The following DLGAP2 variants were observed in gnomAD, a reference collection of about 807,000 sequenced individuals.
DLGAP2 encodes disks large-associated protein 2.
A neutral mutation model predicts 100.3 loss-of-function variants in DLGAP2; 26 were observed. That is an observed-to-expected ratio of 0.26 (90% CI 0.19 to 0.36). The LOEUF (loss-of-function observed/expected upper bound fraction) is 0.36, where lower values mean the gene tolerates loss of function less well. Ranked by LOEUF, DLGAP2 falls within the 10% of genes least tolerant of loss-of-function variation. The pLI is 1.00. For missense variants in DLGAP2, 1,858 were observed against 1,453.2 expected (o/e 1.28, Z -4.53); for synonymous variants, 886 against 630.1 (o/e 1.41, Z -6.08).
intron 4 of DLGAP2, among the ~76,000 whole-genome samples, chr8:1,517,006 G>A (rs1225496547): frequency 6.6e-6 from 1 of 152,092 alleles, no homozygotes; most frequent in African/African-American, 2.4e-5. Flanking sequence ...CAGCCCCAGG[G>A]TGCAGAGGTG....
chr8:1,672,576 G>A (rs972245573), intron 10 of DLGAP2, among the ~76,000 whole-genome samples: 1 of 152,222 alleles, frequency 6.6e-6, no homozygotes, highest in African/African-American at 2.4e-5. Context: ...TGAGAAGGCA[G>A]GGGCAGCCTG....
At chr8:1,370,580 G>T (rs886765890) in intron 3 of DLGAP2, among the ~76,000 whole-genome samples, 4 of 152,168 alleles carry the variant, frequency 2.6e-5, no homozygotes, top group Admixed American at 6.5e-5. Flanking sequence ...TTTTACAAAA[G>T]AAGAAAAGCT....
chr8:1,416,558 C>T (rs565942443), intron 3 of DLGAP2, among the ~76,000 whole-genome samples: 6 of 152,288 alleles, frequency 3.9e-5, no homozygotes, highest in African/African-American at 1.4e-4. Context: ...AACCAGAACC[C>T]CTCTGCCTCC....
chr8:1,692,498 C>T (rs544884655), intron 13 of DLGAP2, among the ~76,000 whole-genome samples: 2 of 152,142 alleles, frequency 1.3e-5, no homozygotes, highest in African/African-American at 2.4e-5. Context: ...GGCAGGGAGG[C>T]TGCAAGGGGG....
At chr8:1,128,551 G>A (rs1027010364) in intron 2 of DLGAP2, among the ~76,000 whole-genome samples, 16 of 152,204 alleles carry the variant, frequency 1.1e-4, no homozygotes, top group Admixed American at 3.9e-4. Context: ...GCAACAAGCT[G>A]CACCACACAG....
intron 3 of DLGAP2, among the ~76,000 whole-genome samples, chr8:1,286,871 G>A (rs554059684): frequency 6.6e-6 from 1 of 152,356 alleles, no homozygotes; most frequent in Admixed American, 6.5e-5. Context: ...AAGTGCATTC[G>A]AGGAGAAAAC....
intron 3 of DLGAP2, among the ~76,000 whole-genome samples, chr8:1,433,736 GGCT>G (rs1483052789): frequency 8.3e-5 from 7 of 84,062 alleles, no homozygotes; most frequent in African/African-American, 1.1e-4. Context: ...AGGCAAAACT[GGCT>G]TTTTTTTTTT....
intron 1 of DLGAP2, among the ~76,000 whole-genome samples, chr8:742,809 C>T (rs927671072): frequency 6.6e-6 from 1 of 152,108 alleles, no homozygotes; most frequent in Non-Finnish European, 1.5e-5. Flanking sequence ...TTCCCAGCTG[C>T]ATTTGGCTCT....
intron 3 of DLGAP2, chr8:1,297,032 C>G (rs902519240): frequency 6.6e-6 from 1 of 152,326 alleles, no homozygotes; most frequent in Admixed American, 6.5e-5. Context: ...GCCGGAAATA[C>G]CTCAGATTGT....
intron 3 of DLGAP2, among the ~76,000 whole-genome samples, chr8:1,304,765 A>G (rs1800450789): frequency 1.3e-5 from 2 of 152,268 alleles, no homozygotes; most frequent in Non-Finnish European, 2.9e-5. Context: ...CTACATGAAC[A>G]TTTTGGGGTC....
At chr8:1,665,243 C>T (rs1327831208) in intron 8 of DLGAP2, among the ~76,000 whole-genome samples, 2 of 152,066 alleles carry the variant, frequency 1.3e-5, no homozygotes, top group Non-Finnish European at 2.9e-5. Flanking sequence ...TACTTAAATA[C>T]ACTTAGTGAG....
At chr8:980,371 CA>C (rs1800294849) in intron 2 of DLGAP2, among the ~76,000 whole-genome samples, 1 of 152,174 alleles carries the variant, frequency 6.6e-6, no homozygotes. Flanking sequence ...TGCAAAAGCT[CA>C]GCAGTGCGTA....
chr8:1,237,107 C>T lies in DLGAP2; in HGVS notation c.74-21744C>T, dbSNP rs1211540491. Among the ~76,000 whole-genome samples the T allele has an allele frequency of 1.3e-4, 9 of 66,760 alleles. 1 individual carries two copies. Among genetic ancestry groups the T allele is most frequent in the African/African-American group, 5.7e-4 (9 of 15,668 alleles). 43.8% of individuals were successfully genotyped at this position (66,760 alleles called of 152,430 possible). On this transcript the variant is annotated intron_variant, in intron 2 of 14. Transcript: ENST00000637795. ...CGTGTCTAGTTCTCTCACATGGCAC[C>T]GTGCCTAGTTCTGTCTCACATGGGG...
At chr8:1,586,395 G>A (rs1384587542) in intron 6 of DLGAP2, among the ~76,000 whole-genome samples, 1 of 152,224 alleles carries the variant, frequency 6.6e-6, no homozygotes. Context: ...AGCTGGACGG[G>A]GTGTGGGGTC....
intron 2 of DLGAP2, among the ~76,000 whole-genome samples, chr8:1,202,852 C>G (rs771490686): frequency 3.3e-5 from 5 of 152,242 alleles, no homozygotes; most frequent in Non-Finnish European, 7.3e-5. Context: ...GCAGCCATGT[C>G]TTGTCTGAGC....
chr8:1,687,566 T>C lies in DLGAP2; in HGVS notation c.2705-3969T>C, dbSNP rs145532277. On this transcript the variant is annotated intron_variant, in intron 12 of 14. Coordinates refer to ENST00000637795, the MANE Select transcript of DLGAP2 (RefSeq NM_001346810.2). ...CTCCTACCATTAGCAGGCATGTCAT[T>C]AGCTACACTTTTTGACATTCATTAT... Among the ~76,000 whole-genome samples the C allele has an allele frequency of 2.4e-4, 36 of 152,342 alleles. No individual in the cohort carries two copies. The East Asian group carries it at 5.8e-3, about 24-fold the overall frequency.
Position 1,230,832 on chromosome 8 carries a change from C to T in DLGAP2, c.74-28019C>T, listed in dbSNP as rs1585172304. On this transcript the variant is annotated intron_variant, in intron 2 of 14. Transcript: ENST00000637795. ...GCAAAGAATGAAACTGGATTCCTGC[C>T]TTTCAGCATATGCAAAAATTAACTC... Among the ~76,000 whole-genome samples, 5 of 152,266 alleles carry T rather than the reference C, an allele frequency of 3.3e-5. No individual in the cohort carries two copies. In the South Asian group the frequency reaches 1.0e-3, roughly 32 times the overall value.
chr8:1,163,452 C>G (rs1042117166), intron 2 of DLGAP2, among the ~76,000 whole-genome samples: 1 of 152,226 alleles, frequency 6.6e-6, no homozygotes, highest in African/African-American at 2.4e-5. Flanking sequence ...GGACCCTTCC[C>G]TGCAGGAAGC....
intron 3 of DLGAP2, among the ~76,000 whole-genome samples, chr8:1,452,211 T>G (rs1254275336): frequency 1.4e-5 from 2 of 147,790 alleles, no homozygotes; most frequent in Non-Finnish European, 1.5e-5. Context: ...TGTGGCCATG[T>G]GTTCTGTGGC....
Sources: allele counts gnomAD v4.1 joint callset (sites outside exome capture counted in the v4.1 genomes callset), GRCh38; gene constraint gnomAD v4.1.1; transcripts MANE v1.5; gene names NCBI Gene and HGNC (gene_info 2026-07-23, HGNC 2026-07-21).